Variants in TP73 observed in about 807,000 individuals in gnomAD.
TP73 encodes the protein tumor protein p73, also known as p53-like transcription factor.
Under a neutral mutation model 62.5 loss-of-function variants are expected in TP73, and 25 were observed. That is an observed-to-expected ratio of 0.40 (90% CI 0.29 to 0.56). The LOEUF (loss-of-function observed/expected upper bound fraction) is 0.56, where lower values mean the gene tolerates loss of function less well. Among genes scored for constraint, TP73 ranks in the 20% least tolerant of loss-of-function variants. TP73 has a pLI of 0.46. For synonymous variants in TP73, 423 were observed against 377.5 expected (o/e 1.12, Z -1.40); for missense variants, 754 against 913.3 (o/e 0.83, Z 2.25).
In TP73 at chr1:3,666,668, G is replaced by A. The variant is rs905377471; in HGVS notation, c.-34+14027G>A. On this transcript the variant is annotated intron_variant, in intron 1 of 13. Coordinates refer to ENST00000378295, the MANE Select transcript of TP73 (RefSeq NM_005427.4). This position sits in a 1 kb window ranked among gnomAD's most constrained non-coding sequence, Gnocchi z 6.4. ...TAGGGTGCCCTTTGACCTCAAAGAGGCCTGTCCTGTGTGTCTCACTGAGCA... is the reference window on the plus strand; with the variant it reads ...TAGGGTGCCCTTTGACCTCAAAGAGACCTGTCCTGTGTGTCTCACTGAGCA... Among the ~76,000 whole-genome samples the A allele has an allele frequency of 6.6e-6, 1 of 152,108 alleles. No individual in the cohort carries two copies. The highest frequency in any genetic ancestry group is 1.5e-5 in the Non-Finnish European group (1 of 68,028).
At position 3,733,439 on chromosome 1, in the gene TP73, C is replaced by A; in HGVS notation, c.*360C>A. The A allele has an allele frequency of 3.0e-6, 1 of 338,816 alleles. No individual in the cohort carries two copies. Among genetic ancestry groups the A allele is most frequent in the Non-Finnish European group, 5.5e-6 (1 of 182,454 alleles). 21.0% of individuals were successfully genotyped at this position (338,816 alleles called of 1,614,324 possible). On this transcript the variant is annotated 3_prime_UTR_variant, in exon 14 of 14. Coordinates refer to ENST00000378295, the MANE Select transcript of TP73 (RefSeq NM_005427.4). ...CAGGCTTCATCCTAGAGACTGTCAT[C>A]TCCCAACCAGGCGAGGTCCTTCCAA... is the stretch of plus-strand genomic sequence containing the variant.
chr1:3,686,290 C>T (rs1020825246), intron 3 of TP73, among the ~76,000 whole-genome samples: 2 of 152,224 alleles, frequency 1.3e-5, no homozygotes, highest in African/African-American at 4.8e-5. Context: ...GATTGGTTCC[C>T]GTTGGACACA....
intron 9 of TP73, 21 bp downstream of exon 9, chr1:3,728,238 G>A (rs1454478172): frequency 6.8e-6 from 11 of 1,607,082 alleles, no homozygotes; most frequent in Non-Finnish European, 7.6e-6. Flanking sequence ...GCTCCTGCAC[G>A]GCAGCCGGGA....
Position 3,683,145 on chromosome 1 carries a change from G to A in TP73, c.151G>A (p.Val51Ile), listed in dbSNP as rs146218192. 3.0e-5 allele frequency: 48 copies of A among 1,612,312 alleles called. No individual in the cohort carries two copies. The highest frequency in any genetic ancestry group is 2.0e-4 in the African/African-American group (15 of 74,986). Residue 51 changes from valine to isoleucine, a missense_variant, in exon 3 of 14, where the codon GTC becomes ATC. By Grantham distance (29) the Val-to-Ile change is conservative. Transcript: ENST00000378295. ...GGGCGGAACGGATTCCAGCATGGACGTCTTCCACCTGGAGGGCATGACTAC... is the reference window on the plus strand; with the variant it reads ...GGGCGGAACGGATTCCAGCATGGACATCTTCCACCTGGAGGGCATGACTAC... ...VVGGTDSSMD[V>I]FHLEGMTTSV...
rs1396687587 is a variant in TP73 at position 3,663,408 on chromosome 1, A to T, written c.-34+10767A>T. On this transcript the variant is annotated intron_variant, in intron 1 of 13. Transcript: ENST00000378295. The surrounding 1 kb of genome is among the most constrained non-coding windows in gnomAD (Gnocchi z 4.7). ...CCTGGGTTTGTGGGGTGTGGACAGC[A>T]CGGAGCGTGATGAAAGGATACAGGC... 1.3e-5 allele frequency among the ~76,000 whole-genome samples: 2 copies of T among 152,170 alleles called. No individual in the cohort carries two copies. The highest frequency in any genetic ancestry group is 2.9e-5 in the Non-Finnish European group (2 of 68,018).
intron 1 of TP73, among the ~76,000 whole-genome samples, chr1:3,657,472 GT>G: frequency 6.6e-6 from 1 of 152,200 alleles, no homozygotes; most frequent in South Asian, 2.1e-4. Flanking sequence ...CCTTACCTAA[GT>G]GGCATCTGCA....
chr1:3,704,849 C>G (rs1639495148), intron 3 of TP73, among the ~76,000 whole-genome samples: 1 of 152,202 alleles, frequency 6.6e-6, no homozygotes, highest in Non-Finnish European at 1.5e-5. Context: ...AGGCAGGGGT[C>G]CATCCTCTGT....
intron 7 of TP73, 93 bp from the exon 8 acceptor site, chr1:3,727,535 C>CCGGT: frequency 6.6e-7 from 1 of 1,512,670 alleles, no homozygotes; most frequent in South Asian, 1.2e-5. Context: ...GCTCTCAAGG[C>CCGGT]CGGTCCTGCA....
rs139212316 is a variant in TP73 at position 3,733,260 on chromosome 1, C to T, written c.*181C>T. 2.8e-4 allele frequency: 203 copies of T among 719,166 alleles called. No homozygotes were observed. The highest frequency in any genetic ancestry group is 1.0e-3 in the Middle Eastern group (3 of 2,874). The allele number at this position is 719,166 out of a possible 1,614,324, so 44.5% of individuals were successfully genotyped here. On this transcript the variant is annotated 3_prime_UTR_variant, in exon 14 of 14. Transcript: ENST00000378295. The stretch of plus-strand genomic sequence containing the variant: ...CCAGGAAAGGCCCAGCCACCGAAGC[C>T]GCCTGTGGACAGCCTGAGTCACCTG...
rs1397523053 is a variant in TP73 at position 3,670,462 on chromosome 1, C to T, written c.-33-11871C>T. Among the ~76,000 whole-genome samples the T allele has an allele frequency of 3.3e-5, 5 of 151,870 alleles. No individual in the cohort carries two copies. Among genetic ancestry groups the T allele is most frequent in the Admixed American group, 2.6e-4 (4 of 15,258 alleles). ...GGTGGATCAACAGAGGTCAGGAGTT[C>T]GAGAGCAACCTGGCCAACATGGTGA... On this transcript the variant is annotated intron_variant, in intron 1 of 13. Coordinates refer to ENST00000378295, the MANE Select transcript of TP73 (RefSeq NM_005427.4). This position sits in a 1 kb window ranked among gnomAD's most constrained non-coding sequence, Gnocchi z 5.9.
intron 4 of TP73, among the ~76,000 whole-genome samples, chr1:3,713,161 G>C (rs769194713): frequency 2.0e-5 from 3 of 152,254 alleles, no homozygotes; most frequent in Non-Finnish European, 4.4e-5. Context: ...GGGACTGGGG[G>C]TGGAGAGCTG....
rs774496847 is a variant in TP73 at position 3,727,734 on chromosome 1, G to A, written c.949G>A (p.Glu317Lys). The change falls in exon 8 of 14, where the codon GAG becomes AAG. Residue 317 changes from glutamate to lysine, a missense_variant. Glu to Lys is a moderately conservative substitution (Grantham distance 56). Coordinates refer to ENST00000378295, the MANE Select transcript of TP73 (RefSeq NM_005427.4). ...CTACCGGGAGCAGCAGGCCCTGAAC[G>A]AGAGCTCCGCCAAGAACGGGGCCGC... is the stretch of plus-strand genomic sequence containing the variant. ...DHYREQQALNESSAKNGAASK... is the reference protein window; with the variant it reads ...DHYREQQALNKSSAKNGAASK... The A allele has an allele frequency of 3.2e-6, 5 of 1,557,394 alleles. No homozygotes were observed. Among genetic ancestry groups the A allele is most frequent in the South Asian group, 1.2e-5 (1 of 84,880 alleles).
intron 1 of TP73, among the ~76,000 whole-genome samples, chr1:3,681,912 T>C (rs147830573): frequency 4.6e-5 from 5 of 107,762 alleles, no homozygotes; most frequent in East Asian, 2.4e-4. Context: ...AGGCCAAACC[T>C]AGACACAGTG....
chr1:3,717,617 C>T (rs924346487), intron 4 of TP73, among the ~76,000 whole-genome samples: 2 of 152,208 alleles, frequency 1.3e-5, no homozygotes, highest in Admixed American at 6.5e-5. Flanking sequence ...GAGTCCTCCT[C>T]CTCCTGCCCG....
chr1:3,679,251 G>T lies in TP73; in HGVS notation c.-33-3082G>T, dbSNP rs138234332. On this transcript the variant is annotated intron_variant, in intron 1 of 13. Transcript: ENST00000378295. ...ATGCCGACTTGAAAATACAGCCAAC[G>T]CCCATGTCCCAGGCATAAGATCACA... Among the ~76,000 whole-genome samples, 739 of 152,276 alleles carry T rather than the reference G, an allele frequency of 4.9e-3. 5 individuals are homozygous for T. The highest frequency in any genetic ancestry group is 0.02 in the South Asian group (96 of 4,820).
rs376601215 is a variant in TP73, at chr1:3,699,198, C to T, written c.187-8351C>T. Among the ~76,000 whole-genome samples the T allele has an allele frequency of 1.6e-4, 24 of 152,218 alleles. 1 individual carries two copies. Among genetic ancestry groups the T allele is most frequent in the East Asian group, 1.2e-3 (6 of 5,178 alleles). On this transcript the variant is annotated intron_variant, in intron 3 of 13. Coordinates refer to ENST00000378295, the MANE Select transcript of TP73 (RefSeq NM_005427.4). The surrounding 1 kb of genome is among the most constrained non-coding windows in gnomAD (Gnocchi z 4.1). ...TTTCCATTCGTTTAATCACGGGCTC[C>T]GGGAGATGCTGTGGGAAGTACCGGC...
intron 1 of TP73, among the ~76,000 whole-genome samples, chr1:3,660,338 G>A (rs999863121): frequency 2.6e-5 from 4 of 152,156 alleles, no homozygotes; most frequent in East Asian, 1.9e-4. Flanking sequence ...TTCCTCCAAC[G>A]GGTTTCATTG....
chr1:3,707,733 C>T lies in TP73; in HGVS notation c.371C>T (p.Pro124Leu), dbSNP rs776602870. Residue 124 changes from proline to leucine, a missense_variant, in exon 4 of 14, where the codon CCC (proline) becomes CTC (leucine). This residue lies in a region of TP73 where 235 missense variants were observed against 251.4 expected (regional missense o/e 0.93). Coordinates refer to ENST00000378295, the MANE Select transcript of TP73 (RefSeq NM_005427.4). ...CCCTCCAACACCGACTACCCCGGAC[C>T]CCACCACTTTGAGGTCACTTTCCAG... The part of the protein sequence containing the change: ...VIPSNTDYPG[P>L]HHFEVTFQQS... The T allele has an allele frequency of 2.5e-6, 4 of 1,613,274 alleles. No individual in the cohort carries two copies. The Admixed American group carries it at 6.7e-5, about 27-fold the overall frequency.
rs1645546360 is a variant in TP73, at chr1:3,682,425, C to T, written c.60C>T (p.Ser20=). The T allele has an allele frequency of 1.3e-6, 2 of 1,543,324 alleles. No homozygotes were observed. The highest frequency in any genetic ancestry group is 1.4e-5 in the African/African-American group (1 of 73,332). Reference sequence around the variant, plus strand: ...GCACCACGTTTGAGCACCTCTGGAGCTCTCTGTGAGTGCGCTTGGCTGGCC... The same window carrying T: ...GCACCACGTTTGAGCACCTCTGGAGTTCTCTGTGAGTGCGCTTGGCTGGCC... The part of the protein sequence containing the change: ...DGGTTFEHLW[S]SLEPDSTYFD... The change falls in exon 2 of 14, where the codon AGC becomes AGT. Residue 20 remains serine (S), a synonymous_variant. Coordinates refer to ENST00000378295, the MANE Select transcript of TP73 (RefSeq NM_005427.4).
Sources: allele counts gnomAD v4.1 joint callset (sites outside exome capture counted in the v4.1 genomes callset), GRCh38; gene constraint gnomAD v4.1.1; regional missense constraint gnomAD v4.1.1; non-coding constraint Gnocchi (gnomAD v3.1); transcripts MANE v1.5; gene names NCBI Gene and HGNC (gene_info 2026-07-23, HGNC 2026-07-21).